Variants in PIK3R3 observed in about 807,000 individuals in gnomAD.
The protein encoded by PIK3R3 is phosphoinositide-3-kinase regulatory subunit 3, also known as phosphatidylinositol 3-kinase regulatory subunit gamma.
A neutral mutation model predicts 62.9 loss-of-function variants in PIK3R3; 64 were observed. The observed-to-expected ratio is 1.02, with a 90% CI of 0.83 to 1.25. PIK3R3 has a LOEUF of 1.25. PIK3R3 is among the 50% of genes most tolerant of loss of function. The pLI, the probability that PIK3R3 is intolerant of heterozygous loss-of-function variation, is 0.00. For synonymous variants in PIK3R3, 165 were observed against 189.0 expected (o/e 0.87, Z 1.04); for missense variants, 614 against 561.6 (o/e 1.09, Z -0.94).
At chr1:46,156,294 T>C in the PIK3R3 span, among the ~76,000 whole-genome samples, 1 of 151,868 alleles carries the variant, frequency 6.6e-6, no homozygotes, top group Non-Finnish European at 1.5e-5. Flanking sequence ...ACCCCGTCTC[T>C]ACTAAAAATA....
intron 1 of PIK3R3, among the ~76,000 whole-genome samples, chr1:46,098,121 T>C (rs1161708616): frequency 6.6e-6 from 1 of 151,838 alleles, no homozygotes; most frequent in Non-Finnish European, 1.5e-5. Flanking sequence ...AAAAATGAAA[T>C]GTAAAAAAAA....
At chr1:46,131,080 A>G (rs1655542111) in intron 1 of PIK3R3, among the ~76,000 whole-genome samples, 4 of 143,874 alleles carry the variant, frequency 2.8e-5, no homozygotes, top group Admixed American at 2.7e-4. Flanking sequence ...ACACGTTCAC[A>G]GGAAACAGAA....
At position 46,091,401 on chromosome 1, in the gene PIK3R3, A is replaced by G. The variant is rs978898581; in HGVS notation, c.107-10651T>C. On this transcript the variant is annotated intron_variant, in intron 1 of 9. Transcript: ENST00000262741. ...GGTGATCCACCTGCCTCGGCCTCCC[A>G]AAGTGCTGGGATTACAGGTATGAGC... Among the ~76,000 whole-genome samples, 11 of 152,154 alleles carry G rather than the reference A, an allele frequency of 7.2e-5. No individual in the cohort carries two copies. The East Asian group carries it at 2.1e-3, about 29-fold the overall frequency.
chr1:46,102,756 A>T (rs972881314), intron 1 of PIK3R3, among the ~76,000 whole-genome samples: 8 of 140,912 alleles, frequency 5.7e-5, no homozygotes, highest in African/African-American at 7.9e-5. Context: ...AAAAATTTTT[A>T]AAATACCATA....
Position 46,066,039 on chromosome 1 carries a change from ACAT to A in PIK3R3, c.621+12_621+14del. 6.2e-7 allele frequency: 1 copy of A among 1,605,148 alleles called. No homozygotes were observed. The highest frequency in any genetic ancestry group is 2.2e-5 in the East Asian group (1 of 44,662). ...ATTGCACACATATTAGTCAAAAACA[ACAT>A]AATATACCAACCTGGGATGTTCTAG... On this transcript the variant is annotated intron_variant, in intron 5 of 9. Transcript: ENST00000262741.
At chr1:46,112,133 T>G (rs760812821) in intron 1 of PIK3R3, among the ~76,000 whole-genome samples, 5 of 152,218 alleles carry the variant, frequency 3.3e-5, no homozygotes, top group Non-Finnish European at 7.3e-5. Context: ...CCTTTACACC[T>G]TTCTTCAGGT....
chr1:46,120,240 T>C (rs576589565), intron 1 of PIK3R3, among the ~76,000 whole-genome samples: 1 of 152,316 alleles, frequency 6.6e-6, no homozygotes, highest in South Asian at 2.1e-4. Context: ...AGGTCTGTCT[T>C]ATATTAACTC....
intron 3 of PIK3R3, among the ~76,000 whole-genome samples, chr1:46,074,383 C>T (rs911335123): frequency 2.0e-5 from 3 of 148,614 alleles, no homozygotes; most frequent in Non-Finnish European, 3.0e-5. Context: ...TAAATACACC[C>T]TAAATATCTA....
chr1:46,101,359 G>A (rs1389400879), intron 1 of PIK3R3, among the ~76,000 whole-genome samples: 1 of 151,998 alleles, frequency 6.6e-6, no homozygotes, highest in Non-Finnish European at 1.5e-5. Context: ...AACTGGGTGT[G>A]GTGGCATGCG....
At chr1:46,109,173 A>C (rs1214514599) in intron 1 of PIK3R3, among the ~76,000 whole-genome samples, 1 of 128,572 alleles carries the variant, frequency 7.8e-6, no homozygotes, top group African/African-American at 2.8e-5. Flanking sequence ...AAAAAAAAAA[A>C]AAAAAAAAAA....
At chr1:46,065,906 A>G in intron 5 of PIK3R3, 148 bp downstream of exon 5, 1 of 683,434 alleles carries the variant, frequency 1.5e-6, no homozygotes, top group Non-Finnish European at 2.6e-6. Context: ...TTAAGAAGGG[A>G]GGGGAATTTA....
At chr1:46,092,796 T>C (rs758988246) in intron 1 of PIK3R3, among the ~76,000 whole-genome samples, 11 of 122,306 alleles carry the variant, frequency 9.0e-5, no homozygotes, top group Non-Finnish European at 1.6e-4. Context: ...TAGTACTTTC[T>C]TTCTATCCCA....
intron 4 of PIK3R3, 51 bp from the exon 5 acceptor site, chr1:46,066,230 G>A: frequency 1.5e-6 from 2 of 1,292,654 alleles, no homozygotes; most frequent in Non-Finnish European, 1.1e-6. Context: ...TGACATATGT[G>A]GAAATAGATT....
chr1:46,148,972 G>A, the PIK3R3 span, among the ~76,000 whole-genome samples: 1 of 152,120 alleles, frequency 6.6e-6, no homozygotes, highest in Non-Finnish European at 1.5e-5. Context: ...AATGAGACAG[G>A]AGGGCAGCAC....
At chr1:46,169,000 C>G in the PIK3R3 span, among the ~76,000 whole-genome samples, 3 of 152,198 alleles carry the variant, frequency 2.0e-5, no homozygotes, top group African/African-American at 7.2e-5. Context: ...CCAGAGTTCC[C>G]AAATAGAAGG....
chr1:46,070,855 T>C lies in PIK3R3; in HGVS notation c.315-3764A>G, dbSNP rs367654644. 4.6e-5 allele frequency among the ~76,000 whole-genome samples: 7 copies of C among 152,350 alleles called. No individual in the cohort carries two copies. In the East Asian group the frequency reaches 1.3e-3, roughly 29 times the overall value. On this transcript the variant is annotated intron_variant, in intron 3 of 9. Coordinates refer to ENST00000262741, the MANE Select transcript of PIK3R3 (RefSeq NM_003629.4). Reference sequence around the variant, plus strand: ...CTGAAGGTCATGCTAGTCCTCCTTGTATCTCAGCACCTAGTCCAATGCCTG... The same window carrying C: ...CTGAAGGTCATGCTAGTCCTCCTTGCATCTCAGCACCTAGTCCAATGCCTG...
chr1:46,106,448 C>A (rs562211932), intron 1 of PIK3R3, among the ~76,000 whole-genome samples: 53 of 152,278 alleles, frequency 3.5e-4, no homozygotes, highest in African/African-American at 1.2e-3. Context: ...ATGATTATCT[C>A]CCTGCCCCCT....
At chr1:46,110,817 CA>C (rs1171589963) in intron 1 of PIK3R3, among the ~76,000 whole-genome samples, 2 of 132,716 alleles carry the variant, frequency 1.5e-5, no homozygotes, top group African/African-American at 5.4e-5. Context: ...TACTGAGACA[CA>C]AAATGAAAAA....
chr1:46,083,381 G>GA (rs1424560997), intron 1 of PIK3R3, among the ~76,000 whole-genome samples: 1 of 151,720 alleles, frequency 6.6e-6, no homozygotes, highest in African/African-American at 2.4e-5. Flanking sequence ...TAACAAACAA[G>GA]AAAAAAATAG....
Sources: gnomAD v4.1 joint callset for allele counts (sites outside exome capture counted in the v4.1 genomes callset) on GRCh38, gnomAD v4.1.1 for gene constraint, MANE v1.5 for transcripts, NCBI Gene and HGNC (gene_info 2026-07-23, HGNC 2026-07-21) for gene names.